ADCY8: variants seen among roughly 807,000 people sequenced by gnomAD.
ADCY8 encodes the protein adenylate cyclase type 8.
In ADCY8, 51 loss-of-function variants were observed where a neutral mutation model predicts 119.7. The observed-to-expected ratio is 0.43, with a 90% CI of 0.34 to 0.54. The LOEUF is 0.54. ADCY8 is among the 20% of genes least tolerant of loss of function. The pLI is 0.03. For missense variants in ADCY8, 1,383 were observed against 1,598.8 expected, an observed-to-expected ratio of 0.87 and a Z score of 2.30; for synonymous variants, 665 against 651.0, an observed-to-expected ratio of 1.02 and a Z score of -0.33.
At chr8:130,988,592 T>G (rs1026426999) in intron 2 of ADCY8, among the ~76,000 whole-genome samples, 58 of 152,158 alleles carry the variant, frequency 3.8e-4, no homozygotes, top group African/African-American at 1.3e-3. Flanking sequence ...GTGGCCCAAC[T>G]AGGAAGTAAT....
chr8:130,949,234 G>T (rs1000706125), intron 3 of ADCY8, among the ~76,000 whole-genome samples: 2 of 152,070 alleles, frequency 1.3e-5, no homozygotes, highest in African/African-American at 4.8e-5. Context: ...TGCAGAAAGC[G>T]AGCCGCCGAA....
chr8:130,796,513 C>T (rs1815582504), intron 15 of ADCY8, among the ~76,000 whole-genome samples: 1 of 152,040 alleles, frequency 6.6e-6, no homozygotes, highest in South Asian at 2.1e-4. Flanking sequence ...ATTATATCAG[C>T]AAGAAGAGAA....
intron 9 of ADCY8, among the ~76,000 whole-genome samples, chr8:130,860,302 A>G (rs1817883948): frequency 6.6e-6 from 1 of 152,128 alleles, no homozygotes; most frequent in Non-Finnish European, 1.5e-5. Context: ...TTGGGTGGAA[A>G]TCTTTTCCCA....
rs886673858 is a variant in ADCY8 at position 130,881,458 on chromosome 8, G to T, written c.2109+3106C>A. On this transcript the variant is annotated intron_variant, in intron 8 of 17. Coordinates refer to ENST00000286355, the MANE Select transcript of ADCY8 (RefSeq NM_001115.3). The stretch of plus-strand genomic sequence containing the variant: ...GGCAAACGGGTTCCTATATTCATTT[G>T]TCTTCTTATTGTTCAAACGGAATAA... 3.3e-5 allele frequency among the ~76,000 whole-genome samples: 5 copies of T among 152,070 alleles called. 1 individual carries two copies. Among genetic ancestry groups the T allele is most frequent in the Admixed American group, 2.6e-4 (4 of 15,244 alleles).
Position 131,033,588 on chromosome 8 carries a change from C to A in ADCY8, c.960+5786G>T, listed in dbSNP as rs1019599538. On this transcript the variant is annotated intron_variant, in intron 1 of 17. Transcript: ENST00000286355. ...AAGGAAAACAAATTCATAATTCAATCTTGCAAAGCACACACTACACAATCA... is the reference window on the plus strand; with the variant it reads ...AAGGAAAACAAATTCATAATTCAATATTGCAAAGCACACACTACACAATCA... Among the ~76,000 whole-genome samples the A allele has an allele frequency of 1.3e-5, 2 of 151,960 alleles. 1 individual carries two copies. The highest frequency in any genetic ancestry group is 2.9e-5 in the Non-Finnish European group (2 of 67,988).
At chr8:131,000,798 G>C (rs1330166485) in intron 1 of ADCY8, among the ~76,000 whole-genome samples, 1 of 151,938 alleles carries the variant, frequency 6.6e-6, no homozygotes, top group Non-Finnish European at 1.5e-5. Flanking sequence ...CATTTTTACA[G>C]ATCAGTTCTT....
intron 15 of ADCY8, among the ~76,000 whole-genome samples, chr8:130,797,371 A>G (rs1395322338): frequency 6.6e-6 from 1 of 152,242 alleles, no homozygotes; most frequent in Non-Finnish European, 1.5e-5. Flanking sequence ...AATACAACAA[A>G]GCCTGACGTC....
chr8:130,901,252 T>TTC (rs1306940138), intron 7 of ADCY8, among the ~76,000 whole-genome samples: 2 of 150,442 alleles, frequency 1.3e-5, no homozygotes, highest in African/African-American at 4.9e-5. Context: ...CTTTTTTTTT[T>TTC]TTTTTTTTTT....
At chr8:130,814,598 TGGACTTCTAG>T (rs1816278396) in intron 13 of ADCY8, among the ~76,000 whole-genome samples, 1 of 152,230 alleles carries the variant, frequency 6.6e-6, no homozygotes, top group African/African-American at 2.4e-5. Flanking sequence ...AGATGTTTAA[TGGACTTCTAG>T]TTCCACATGG....
chr8:130,797,017 T>A (rs2130096274), intron 15 of ADCY8, among the ~76,000 whole-genome samples: 1 of 152,328 alleles, frequency 6.6e-6, no homozygotes, highest in Middle Eastern at 3.4e-3. Flanking sequence ...CTCTAGAGTG[T>A]CAACAATTTG....
intron 11 of ADCY8, among the ~76,000 whole-genome samples, chr8:130,842,391 T>G (rs1046131766): frequency 6.6e-6 from 1 of 152,192 alleles, no homozygotes; most frequent in African/African-American, 2.4e-5. Flanking sequence ...GTCTTTCTTT[T>G]AGGTTAGCAG....
chr8:130,780,670 C>T lies in ADCY8; in HGVS notation c.3476G>A (p.Ser1159Asn). 1 of 1,614,204 alleles carries T rather than the reference C, an allele frequency of 6.2e-7. No homozygotes were observed. Among genetic ancestry groups the T allele is most frequent in the Non-Finnish European group, 8.5e-7 (1 of 1,180,022 alleles). The stretch of plus-strand genomic sequence containing the variant: ...CGTTTTGATTTTTCCTTCCTGTTCA[C>T]TGATACCCTTCACATAGATCTCCCC... Reference protein sequence around the residue: ...YRGEIYVKGISEQEGKIKTYF... With the variant: ...YRGEIYVKGINEQEGKIKTYF... The change falls in exon 18 of 18, where the codon AGT becomes AAT. Residue 1159 changes from serine (S) to asparagine (N), a missense_variant. By Grantham distance (46) the Ser-to-Asn change is conservative (BLOSUM62 1). Around this residue, in one of 2 missense-constraint regions of ADCY8, gnomAD observed 928 missense variants for 1,163.5 expected, o/e 0.80. Transcript: ENST00000286355.
At chr8:130,900,809 C>T (rs568099832) in intron 7 of ADCY8, among the ~76,000 whole-genome samples, 28 of 152,306 alleles carry the variant, frequency 1.8e-4, no homozygotes, top group African/African-American at 6.0e-4. Flanking sequence ...CCAAAATTCT[C>T]GTGACTATGA....
chr8:130,803,573 A>G (rs1815849764), intron 14 of ADCY8, among the ~76,000 whole-genome samples: 1 of 152,248 alleles, frequency 6.6e-6, no homozygotes, highest in African/African-American at 2.4e-5. Flanking sequence ...CCTTCGTAGG[A>G]AACATGAAAC....
chr8:130,997,463 T>C (rs1200105276), intron 1 of ADCY8, among the ~76,000 whole-genome samples: 1 of 152,090 alleles, frequency 6.6e-6, no homozygotes, highest in Non-Finnish European at 1.5e-5. Flanking sequence ...CCTGGGAGCA[T>C]TTGCAGATTC....
intron 1 of ADCY8, among the ~76,000 whole-genome samples, chr8:131,014,534 T>A (rs778766743): frequency 2.5e-4 from 38 of 152,120 alleles, no homozygotes; most frequent in South Asian, 4.1e-4. Flanking sequence ...CCATTTTTTT[T>A]AAAGCAGGAT....
At chr8:130,936,964 A>C (rs1000698637) in intron 5 of ADCY8, 109 bp downstream of exon 5, 37 of 1,345,850 alleles carry the variant, frequency 2.7e-5, no homozygotes, top group Non-Finnish European at 3.5e-5. Context: ...AAATAAGTCA[A>C]AAGGTTCTGC....
At chr8:130,916,287 T>G (rs1166057667) in intron 5 of ADCY8, among the ~76,000 whole-genome samples, 1 of 152,158 alleles carries the variant, frequency 6.6e-6, no homozygotes, top group Non-Finnish European at 1.5e-5. Flanking sequence ...TCTCTACAGA[T>G]TAATCTCCAA....
At chr8:130,877,865 A>G (rs1818626090) in intron 8 of ADCY8, among the ~76,000 whole-genome samples, 1 of 152,146 alleles carries the variant, frequency 6.6e-6, no homozygotes, top group Admixed American at 6.5e-5. Context: ...AATGAGCTAC[A>G]AGGCTGTACT....
Sources: gnomAD v4.1 joint callset for allele counts (sites outside exome capture counted in the v4.1 genomes callset) on GRCh38, gnomAD v4.1.1 for gene constraint, gnomAD v4.1.1 regional missense constraint, MANE v1.5 for transcripts, NCBI Gene and HGNC (gene_info 2026-07-23, HGNC 2026-07-21) for gene names.